Variants in RBL2 observed in about 807,000 individuals in gnomAD.
The protein encoded by RBL2 is retinoblastoma-like protein 2.
In RBL2, 56 loss-of-function variants were observed where a neutral mutation model predicts 126.0. The ratio of observed to expected loss-of-function variants is 0.44; its 90% CI spans 0.36 to 0.56. RBL2 has a LOEUF of 0.56. RBL2 is among the 20% of genes least tolerant of loss of function. The pLI, the probability that RBL2 is intolerant of heterozygous loss-of-function variation, is 0.00. For synonymous variants in RBL2, 454 were observed against 478.5 expected (o/e 0.95, Z 0.67); for missense variants, 1,229 against 1,398.2 (o/e 0.88, Z 1.93).
chr16:53,481,555 C>A, intron 20 of RBL2, 116 bp from the exon 21 acceptor site: 1 of 928,816 alleles, frequency 1.1e-6, no homozygotes, highest in Non-Finnish European at 1.5e-6. Context: ...GCTAATACAT[C>A]ACTCTGTCAT....
chr16:53,447,140 A>G, intron 4 of RBL2, 34 bp downstream of exon 4: 1 of 1,131,656 alleles, frequency 8.8e-7, no homozygotes. Context: ...TAGATTTAAT[A>G]TGTCTATTTA....
intron 9 of RBL2, among the ~76,000 whole-genome samples, chr16:53,460,472 C>T (rs2058209441): frequency 6.6e-6 from 1 of 152,130 alleles, no homozygotes; most frequent in Admixed American, 6.5e-5. Context: ...ATCTCTGTGG[C>T]CTCTTCCTGA....
rs140654429 is a variant in RBL2 at position 53,447,062 on chromosome 16, C to T, written c.593C>T (p.Ser198Phe). 2 of 1,591,306 alleles carry T rather than the reference C, an allele frequency of 1.3e-6. No homozygotes were observed. The highest frequency in any genetic ancestry group is 1.7e-6 in the Non-Finnish European group (2 of 1,168,954). The change falls in exon 4 of 22, where the codon TCT (serine) becomes TTT (phenylalanine). Residue 198 changes from serine (S) to phenylalanine (F), a missense_variant. Physicochemically the swap from Ser to Phe is radical, Grantham distance 155. Around this residue, in one of 2 missense-constraint regions of RBL2, gnomAD observed 1,070 missense variants for 1,274.3 expected, o/e 0.84. Coordinates refer to ENST00000262133, the MANE Select transcript of RBL2 (RefSeq NM_005611.4). ...CAAAGGCGACAGCCCTGTACTGTGT[C>T]TGAAATTTTCCATTTTTGTTGGGTG... is the stretch of plus-strand genomic sequence containing the variant. ...RKQRRQPCTV[S>F]EIFHFCWVLF...
intron 20 of RBL2, 96 bp downstream of exon 20, chr16:53,480,865 T>G: frequency 1.6e-6 from 2 of 1,287,908 alleles, no homozygotes; most frequent in Non-Finnish European, 2.2e-6. Context: ...GGTCCGTATA[T>G]AAACTAGTTT....
intron 5 of RBL2, among the ~76,000 whole-genome samples, chr16:53,452,796 A>G (rs562052571): frequency 6.6e-6 from 1 of 152,138 alleles, no homozygotes. Context: ...CCTCCCAGGT[A>G]GCTGGGACTA....
intron 17 of RBL2, among the ~76,000 whole-genome samples, chr16:53,476,043 C>T (rs770047405): frequency 3.2e-4 from 48 of 151,482 alleles, no homozygotes; most frequent in African/African-American, 1.1e-3. Flanking sequence ...AGGCTGGTCT[C>T]GAACTCCTGA....
chr16:53,468,272 C>T (rs1156881778), intron 14 of RBL2, among the ~76,000 whole-genome samples: 1 of 152,112 alleles, frequency 6.6e-6, no homozygotes, highest in Non-Finnish European at 1.5e-5. Flanking sequence ...GGCATGGTGG[C>T]TCATGCCTGT....
At chr16:53,457,487 C>G (rs985474715) in intron 8 of RBL2, among the ~76,000 whole-genome samples, 2 of 151,752 alleles carry the variant, frequency 1.3e-5, no homozygotes, top group African/African-American at 4.8e-5. Flanking sequence ...TCTTGAACTC[C>G]TGACCTCATG....
In RBL2 at chr16:53,453,705, C is replaced by T. The variant is rs1254696934; in HGVS notation, c.928C>T (p.Leu310Phe). ...PYIRKLYEKK[L>F]LKGKEENLTG... ...TTAAGGATCTCTTCTTTCATCATAG[C>T]TCCTTAAGGGAAAAGAAGAAAATCT... is the stretch of plus-strand genomic sequence containing the variant. Residue 310 changes from leucine (L) to phenylalanine (F), a missense_variant and splice_region_variant, in exon 7 of 22, where the codon CTC becomes TTC. Leu to Phe is a conservative substitution (Grantham distance 22). Around this residue, in one of 2 missense-constraint regions of RBL2, gnomAD observed 1,070 missense variants for 1,274.3 expected, o/e 0.84. Transcript: ENST00000262133. 1.3e-5 allele frequency: 21 copies of T among 1,609,594 alleles called. No homozygotes were observed. Among genetic ancestry groups the T allele is most frequent in the Non-Finnish European group, 1.7e-5 (20 of 1,178,330 alleles).
intron 3 of RBL2, among the ~76,000 whole-genome samples, chr16:53,444,343 G>A (rs565241833): frequency 1.5e-3 from 200 of 134,586 alleles, no homozygotes; most frequent in African/African-American, 5.3e-3. Flanking sequence ...ACTCTAGGTC[G>A]GGAGTTCGAG....
chr16:53,480,069 C>A, intron 19 of RBL2, 78 bp downstream of exon 19: 1 of 904,358 alleles, frequency 1.1e-6, no homozygotes. Context: ...AGTAACTAAG[C>A]ATTACTAAAT....
In RBL2 at chr16:53,454,774, G is replaced by T; in HGVS notation, c.1111G>T (p.Ala371Ser). ...EIGTLSRCLNAGSGTETAERV... is the reference protein window; with the variant it reads ...EIGTLSRCLNSGSGTETAERV... ...TGGGACTCTCTCAAGGTGTCTGAAC[G>T]CTGGTTCAGGAACAGAGACTGCTGA... is the stretch of plus-strand genomic sequence containing the variant. Residue 371 changes from alanine to serine, a missense_variant, in exon 8 of 22, where the codon GCT becomes TCT. Around this residue, in one of 2 missense-constraint regions of RBL2, gnomAD observed 1,070 missense variants for 1,274.3 expected, o/e 0.84. Transcript: ENST00000262133. The T allele has an allele frequency of 6.2e-7, 1 of 1,613,988 alleles. No individual in the cohort carries two copies. Among genetic ancestry groups the T allele is most frequent in the Non-Finnish European group, 8.5e-7 (1 of 1,179,928 alleles).
At position 53,480,509 on chromosome 16, in the gene RBL2, T is replaced by C. The variant is rs1960899507; in HGVS notation, c.2882-58T>C. The C allele has an allele frequency of 2.7e-6, 4 of 1,466,636 alleles. No individual in the cohort carries two copies. In the African/African-American group the frequency reaches 4.2e-5, roughly 16 times the overall value. 90.9% of individuals were successfully genotyped at this position (1,466,636 alleles called of 1,614,324 possible). ...TTCCCTTTCTCCTACTTTTAAAAAA[T>C]TAAAACAGTCAATATTAGCAGCCTT... On this transcript the variant is annotated intron_variant, in intron 19 of 21. Coordinates refer to ENST00000262133, the MANE Select transcript of RBL2 (RefSeq NM_005611.4).
chr16:53,487,770 G>A (rs952761048), intron 21 of RBL2: 8 of 152,156 alleles, frequency 5.3e-5, no homozygotes, highest in African/African-American at 1.2e-4. Flanking sequence ...ATCTGTACAC[G>A]TTCCATATCT....
intron 17 of RBL2, among the ~76,000 whole-genome samples, chr16:53,471,227 A>G (rs1022018160): frequency 2.6e-5 from 4 of 152,200 alleles, no homozygotes; most frequent in African/African-American, 9.6e-5. Context: ...GGGTTTTTGT[A>G]TAGACATGTA....
chr16:53,485,852 T>TAAA (rs79378831), intron 21 of RBL2, among the ~76,000 whole-genome samples: 2 of 147,768 alleles, frequency 1.4e-5, no homozygotes, highest in African/African-American at 5.2e-5. Context: ...TGAGACCATC[T>TAAA]AAAAAAAAAC....
chr16:53,479,421 T>C (rs1254918072), intron 18 of RBL2, 196 bp downstream of exon 18: 37 of 558,922 alleles, frequency 6.6e-5, no homozygotes, highest in Non-Finnish European at 1.1e-4. Context: ...AAGGCAACAA[T>C]GTTAAATATT....
intron 17 of RBL2, among the ~76,000 whole-genome samples, chr16:53,476,743 A>G (rs1187599625): frequency 2.0e-5 from 3 of 152,076 alleles, no homozygotes; most frequent in Non-Finnish European, 2.9e-5. Context: ...TCCCTTTTTA[A>G]TAACTTTTTT....
At chr16:53,451,868 G>T (rs202133927) in intron 5 of RBL2, 37 bp downstream of exon 5, 7 of 1,606,496 alleles carry the variant, frequency 4.4e-6, no homozygotes, top group Non-Finnish European at 6.0e-6. Flanking sequence ...GGCAATCTGC[G>T]TTTCTGTGTT....
Sources: gnomAD v4.1 joint callset for allele counts (sites outside exome capture counted in the v4.1 genomes callset) on GRCh38, gnomAD v4.1.1 for gene constraint, gnomAD v4.1.1 regional missense constraint, MANE v1.5 for transcripts, NCBI Gene and HGNC (gene_info 2026-07-23, HGNC 2026-07-21) for gene names.